DAO: variants seen among roughly 807,000 people sequenced by gnomAD.
DAO encodes D-amino acid oxidase.
Under a neutral mutation model 50.1 loss-of-function variants are expected in DAO, and 51 were observed. That is an observed-to-expected ratio of 1.02 (90% CI 0.81 to 1.29). DAO has a LOEUF of 1.29. Among genes scored for constraint, DAO ranks in the 50% most tolerant of loss-of-function variants. The pLI is 0.00. For synonymous variants in DAO, 160 were observed against 166.2 expected (o/e 0.96, Z 0.29); for missense variants, 436 against 439.4 (o/e 0.99, Z 0.07).
At position 108,885,218 on chromosome 12, in the gene DAO, A is replaced by G; in HGVS notation, c.194+18A>G. On this transcript the variant is annotated intron_variant, in intron 2 of 10. Transcript: ENST00000228476. ...CAGGAGGCGTGAGTGAGGGTCACAT[A>G]GGGTAGCCTGGGGTGCCCATGGACC... 1 of 1,608,946 alleles carries G rather than the reference A, an allele frequency of 6.2e-7. No homozygotes were observed. Among genetic ancestry groups the G allele is most frequent in the South Asian group, 1.1e-5 (1 of 91,050 alleles).
At chr12:108,886,974 C>T (rs1399268922) in intron 2 of DAO, among the ~76,000 whole-genome samples, 2 of 152,144 alleles carry the variant, frequency 1.3e-5, no homozygotes, top group African/African-American at 2.4e-5. Context: ...TGGCCAGAAA[C>T]AAGTCACACA....
chr12:108,895,238 T>C (rs2039534842), intron 7 of DAO, among the ~76,000 whole-genome samples: 1 of 152,112 alleles, frequency 6.6e-6, no homozygotes, highest in Non-Finnish European at 1.5e-5. Context: ...GCTGTGTGTG[T>C]GCATATGAGG....
intron 6 of DAO, among the ~76,000 whole-genome samples, chr12:108,893,546 G>T (rs544909195): frequency 6.6e-6 from 1 of 152,158 alleles, no homozygotes; most frequent in Non-Finnish European, 1.5e-5. Flanking sequence ...CAAGGAAGGC[G>T]CTCCGTACAT....
chr12:108,896,735 T>C (rs1014314328), intron 7 of DAO, among the ~76,000 whole-genome samples: 3 of 152,184 alleles, frequency 2.0e-5, no homozygotes, highest in Non-Finnish European at 2.9e-5. Context: ...ATTTCTCATG[T>C]GTATGCATTT....
chr12:108,892,717 T>C (rs1246592339), intron 5 of DAO, among the ~76,000 whole-genome samples: 1 of 152,158 alleles, frequency 6.6e-6, no homozygotes, highest in Non-Finnish European at 1.5e-5. Context: ...TGACTCACTC[T>C]ATGGCCTTCA....
intron 6 of DAO, among the ~76,000 whole-genome samples, chr12:108,893,623 A>ACACCGACCCTG (rs1304550168): frequency 2.0e-5 from 3 of 152,216 alleles, no homozygotes; most frequent in Admixed American, 1.3e-4. Flanking sequence ...CACCGAAGAT[A>ACACCGACCCTG]CATGGTCGAC....
chr12:108,890,333 G>A, intron 5 of DAO, 60 bp downstream of exon 5: 1 of 1,350,438 alleles, frequency 7.4e-7, no homozygotes, highest in South Asian at 1.2e-5. Flanking sequence ...TGTAGTGGAA[G>A]ATGGTTCGTG....
intron 7 of DAO, among the ~76,000 whole-genome samples, chr12:108,896,354 CAGAGGCT>C (rs1227590252): frequency 5.6e-5 from 6 of 107,700 alleles, no homozygotes; most frequent in Non-Finnish European, 1.1e-4. Context: ...ACCCGGGAGG[CAGAGGCT>C]GCAGTGAGCC....
intron 8 of DAO, 21 bp downstream of exon 8, chr12:108,897,109 G>C (rs2039568773): frequency 6.3e-7 from 1 of 1,576,478 alleles, no homozygotes; most frequent in East Asian, 2.2e-5. Context: ...ACTGTTCTCG[G>C]GCAGAAGAGT....
At chr12:108,898,584 G>A in intron 8 of DAO, 95 bp from the exon 9 acceptor site, 2 of 840,488 alleles carry the variant, frequency 2.4e-6, no homozygotes, top group Non-Finnish European at 4.2e-6. Context: ...GATGGTGGTG[G>A]TGTTAGCAGA....
At chr12:108,883,334 G>T (rs2039401287) in intron 1 of DAO, among the ~76,000 whole-genome samples, 1 of 152,228 alleles carries the variant, frequency 6.6e-6, no homozygotes, top group South Asian at 2.1e-4. Context: ...TTTCAGTAGA[G>T]ATGGGGTTTC....
At chr12:108,890,692 A>G (rs2039481531) in intron 5 of DAO, among the ~76,000 whole-genome samples, 1 of 152,048 alleles carries the variant, frequency 6.6e-6, no homozygotes. Flanking sequence ...CATACAGATG[A>G]TAGTGGATGG....
chr12:108,897,277 T>C (rs1217091271), intron 8 of DAO, among the ~76,000 whole-genome samples, 189 bp downstream of exon 8: 1 of 152,106 alleles, frequency 6.6e-6, no homozygotes, highest in Non-Finnish European at 1.5e-5. Context: ...AGTGTAATGG[T>C]GCGATCTTGG....
At position 108,883,153 on chromosome 12, in the gene DAO, C is replaced by CTTT. The variant is rs35481176; in HGVS notation, c.-9-1836_-9-1834dup. Among the ~76,000 whole-genome samples the CTTT allele has an allele frequency of 7.4e-5, 11 of 148,738 alleles. 1 individual carries two copies. The highest frequency in any genetic ancestry group is 2.0e-4 in the African/African-American group (8 of 40,798). ...TCTGACTCTGCCTTTCTCTTCTCCT[C>CTTT]TTTTTTTTTTTGAGGCAGAATTTCG... On this transcript the variant is annotated intron_variant, in intron 1 of 10. Coordinates refer to ENST00000228476, the MANE Select transcript of DAO (RefSeq NM_001917.5).
chr12:108,893,020 T>G lies in DAO; in HGVS notation c.491T>G (p.Val164Gly), dbSNP rs768725774. ...GGAGTGAAGTTCTTCCAGCGGAAAG[T>G]GGAGTCTTTTGAGGAGGTGAGTTGC... ...ERGVKFFQRK[V>G]ESFEEVAREG... Residue 164 changes from valine to glycine, a missense_variant, in exon 6 of 11, where the codon GTG (valine) becomes GGG (glycine). Coordinates refer to ENST00000228476, the MANE Select transcript of DAO (RefSeq NM_001917.5). 2 of 1,613,720 alleles carry G rather than the reference T, an allele frequency of 1.2e-6. No individual in the cohort carries two copies. Among genetic ancestry groups the G allele is most frequent in the Non-Finnish European group, 1.7e-6 (2 of 1,179,950 alleles).
intron 5 of DAO, among the ~76,000 whole-genome samples, chr12:108,891,996 A>G (rs2039496490): frequency 6.6e-6 from 1 of 152,050 alleles, no homozygotes; most frequent in Admixed American, 6.6e-5. Context: ...TAACCTGGGG[A>G]CACATGACCC....
intron 4 of DAO, 114 bp from the exon 5 acceptor site, chr12:108,890,094 T>G (rs2039474911): frequency 8.8e-6 from 8 of 906,520 alleles, no homozygotes; most frequent in Non-Finnish European, 1.5e-5. Context: ...GTAGTGGTCC[T>G]GGCACTACCC....
chr12:108,900,215 C>A, intron 10 of DAO, 189 bp from the exon 11 acceptor site: 1 of 612,920 alleles, frequency 1.6e-6, no homozygotes, highest in Non-Finnish European at 2.9e-6. Context: ...TGTGGCTGCC[C>A]CATCATCTCT....
chr12:108,897,207 C>A, intron 8 of DAO, 119 bp downstream of exon 8: 1 of 730,588 alleles, frequency 1.4e-6, no homozygotes, highest in Admixed American at 2.1e-5. Flanking sequence ...TTTTTATGTA[C>A]TTAGCTATTT....
Sources: allele counts gnomAD v4.1 joint callset (sites outside exome capture counted in the v4.1 genomes callset), GRCh38; gene constraint gnomAD v4.1.1; transcripts MANE v1.5; gene names NCBI Gene and HGNC (gene_info 2026-07-23, HGNC 2026-07-21).